SPSB4: variants seen among roughly 807,000 people sequenced by gnomAD.
The protein encoded by SPSB4 is splA/ryanodine receptor domain and SOCS box containing 4.
SPSB4 carries 21 observed loss-of-function variants against 20.9 expected under a neutral mutation model. That is an observed-to-expected ratio of 1.01 (90% CI 0.71 to 1.45). The LOEUF (loss-of-function observed/expected upper bound fraction) is 1.45. SPSB4 is among the 40% of genes most tolerant of loss of function. The pLI is 0.00. For synonymous variants in SPSB4, 207 were observed against 183.8 expected (o/e 1.13, Z -1.02); for missense variants, 399 against 399.2 (o/e 1.00, Z 0.00).
chr3:141,113,870 C>A (rs569746560), intron 2 of SPSB4, among the ~76,000 whole-genome samples: 54 of 152,286 alleles, frequency 3.5e-4, no homozygotes, highest in African/African-American at 1.2e-3. Flanking sequence ...CCAAGGCGGG[C>A]AGATCGCTTG....
At chr3:141,114,896 T>A (rs1244789508) in intron 2 of SPSB4, among the ~76,000 whole-genome samples, 5 of 152,236 alleles carry the variant, frequency 3.3e-5, no homozygotes, top group Non-Finnish European at 7.3e-5. Flanking sequence ...GTACATTAAA[T>A]ATGTGAATGT....
chr3:141,123,747 G>A (rs762576646), intron 2 of SPSB4, among the ~76,000 whole-genome samples: 1 of 152,240 alleles, frequency 6.6e-6, no homozygotes, highest in African/African-American at 2.4e-5. Context: ...TTCCAGTGCT[G>A]CAGTGACAGG....
At chr3:141,056,003 G>A (rs1177332341) in intron 1 of SPSB4, among the ~76,000 whole-genome samples, 1 of 152,224 alleles carries the variant, frequency 6.6e-6, no homozygotes, top group African/African-American at 2.4e-5. Flanking sequence ...AAGAGAAGAT[G>A]CATGGAGAGA....
At chr3:141,107,793 A>T (rs1168163178) in intron 2 of SPSB4, among the ~76,000 whole-genome samples, 2 of 152,052 alleles carry the variant, frequency 1.3e-5, no homozygotes, top group Non-Finnish European at 2.9e-5. Flanking sequence ...TTTCTCTACT[A>T]AAAGTACAAA....
intron 1 of SPSB4, among the ~76,000 whole-genome samples, chr3:141,052,830 C>G (rs1936119105): frequency 6.6e-6 from 1 of 152,120 alleles, no homozygotes; most frequent in South Asian, 2.1e-4. Flanking sequence ...ATGTGTCCGC[C>G]CTGGTCGCTC....
intron 2 of SPSB4, among the ~76,000 whole-genome samples, chr3:141,131,068 C>T (rs547965206): frequency 1.3e-5 from 2 of 152,150 alleles, no homozygotes; most frequent in East Asian, 3.9e-4. Flanking sequence ...GGGCTGATGG[C>T]CTGAAATAAG....
chr3:141,053,531 T>G (rs1304018481), intron 1 of SPSB4, among the ~76,000 whole-genome samples: 2 of 152,172 alleles, frequency 1.3e-5, no homozygotes. Flanking sequence ...AAAAGATATA[T>G]GACAAACTGT....
intron 1 of SPSB4, among the ~76,000 whole-genome samples, chr3:141,062,958 G>A (rs751917671): frequency 1.3e-5 from 2 of 149,496 alleles, no homozygotes; most frequent in Non-Finnish European, 2.9e-5. Context: ...GGTCCATCAT[G>A]AGCTAGAAGA....
At chr3:141,127,182 G>T (rs1445089432) in intron 2 of SPSB4, among the ~76,000 whole-genome samples, 1 of 152,226 alleles carries the variant, frequency 6.6e-6, no homozygotes, top group Non-Finnish European at 1.5e-5. Context: ...CAGCAGGGCT[G>T]GGGGGTGCAG....
chr3:141,052,378 G>C lies in SPSB4; in HGVS notation c.-154+386G>C, dbSNP rs1244631701. Among the ~76,000 whole-genome samples, 3 of 152,194 alleles carry C rather than the reference G, an allele frequency of 2.0e-5. No homozygotes were observed. The East Asian group carries it at 5.8e-4, about 29-fold the overall frequency. ...AATGATAATTGTGCACATTTTATAG[G>C]GGTATTGGAAAGATCTATGGGATGG... is the stretch of plus-strand genomic sequence containing the variant. On this transcript the variant is annotated intron_variant, in intron 1 of 2. Transcript: ENST00000310546.
chr3:141,119,177 T>C (rs1938925009), intron 2 of SPSB4, among the ~76,000 whole-genome samples: 1 of 152,234 alleles, frequency 6.6e-6, no homozygotes, highest in Non-Finnish European at 1.5e-5. Context: ...GAGCAGTGGT[T>C]TGTAGTTCTC....
intron 2 of SPSB4, among the ~76,000 whole-genome samples, chr3:141,075,101 A>G (rs554775535): frequency 9.4e-6 from 1 of 106,938 alleles, no homozygotes; most frequent in Admixed American, 9.7e-5. Flanking sequence ...CCCATCAGAA[A>G]CAAGGGAGTG....
chr3:141,087,045 G>C (rs996121129), intron 2 of SPSB4, among the ~76,000 whole-genome samples: 4 of 152,200 alleles, frequency 2.6e-5, no homozygotes, highest in African/African-American at 9.6e-5. Flanking sequence ...CAGAGCTTCA[G>C]GGCCAGCTGC....
chr3:141,123,237 A>G (rs758759589), intron 2 of SPSB4, among the ~76,000 whole-genome samples: 2 of 152,170 alleles, frequency 1.3e-5, no homozygotes, highest in African/African-American at 2.4e-5. Flanking sequence ...CCCCTTTATA[A>G]TTTAATGCAT....
At chr3:141,063,942 G>T (rs2107777559) in intron 1 of SPSB4, among the ~76,000 whole-genome samples, 1 of 152,290 alleles carries the variant, frequency 6.6e-6, no homozygotes, top group South Asian at 2.1e-4. Flanking sequence ...TCCCAATTCA[G>T]AGCCCTCCTC....
intron 2 of SPSB4, among the ~76,000 whole-genome samples, chr3:141,105,394 G>A (rs1362471772): frequency 6.6e-6 from 1 of 152,118 alleles, no homozygotes; most frequent in Non-Finnish European, 1.5e-5. Flanking sequence ...TAATTTCATT[G>A]GTAGATCTGC....
intron 2 of SPSB4, among the ~76,000 whole-genome samples, chr3:141,138,022 G>A (rs930972007): frequency 1.3e-5 from 2 of 152,110 alleles, no homozygotes; most frequent in Non-Finnish European, 2.9e-5. Context: ...GCCTGTTATT[G>A]GTCTATTCAG....
chr3:141,061,298 A>G (rs1476666352), intron 1 of SPSB4, among the ~76,000 whole-genome samples: 2 of 152,166 alleles, frequency 1.3e-5, no homozygotes, highest in African/African-American at 4.8e-5. Context: ...AAGAGAGAAT[A>G]AAGCAAAATT....
chr3:141,138,526 T>C (rs975679977), intron 2 of SPSB4, among the ~76,000 whole-genome samples: 1 of 152,228 alleles, frequency 6.6e-6, no homozygotes, highest in Admixed American at 6.5e-5. Context: ...GAGATTCTGA[T>C]ATGTTGTGTC....
Sources: allele counts gnomAD v4.1 joint callset (sites outside exome capture counted in the v4.1 genomes callset), GRCh38; gene constraint gnomAD v4.1.1; transcripts MANE v1.5; gene names NCBI Gene and HGNC (gene_info 2026-07-23, HGNC 2026-07-21).